TENM3: variants seen among roughly 807,000 people sequenced by gnomAD.
TENM3 encodes the protein teneurin transmembrane protein 3.
TENM3 carries 63 observed loss-of-function variants against 255.1 expected under a neutral mutation model. The ratio of observed to expected loss-of-function variants is 0.25; its 90% CI spans 0.20 to 0.30. The LOEUF is 0.30. Ranked by LOEUF, TENM3 falls within the 10% of genes least tolerant of loss-of-function variation. The pLI, the probability that TENM3 is intolerant of heterozygous loss-of-function variation, is 1.00. For synonymous variants in TENM3, 1,306 were observed against 1,322.3 expected (o/e 0.99, Z 0.27); for missense variants, 2,929 against 3,461.1 (o/e 0.85, Z 3.86).
chr4:182,651,179 T>A (rs1311304610), intron 5 of TENM3, among the ~76,000 whole-genome samples: 1 of 152,130 alleles, frequency 6.6e-6, no homozygotes, highest in East Asian at 1.9e-4. Flanking sequence ...TGCCAGAGTG[T>A]GTCTGTCAAA....
chr4:182,775,186 C>A, intron 24 of TENM3, 33 bp downstream of exon 24: 1 of 1,595,460 alleles, frequency 6.3e-7, no homozygotes, highest in Non-Finnish European at 8.6e-7. Flanking sequence ...GAGATAGCTG[C>A]AGCCCTCTGA....
At chr4:181,528,700 G>A in the TENM3 span, among the ~76,000 whole-genome samples, 3 of 152,292 alleles carry the variant, frequency 2.0e-5, no homozygotes, top group East Asian at 1.9e-4. Context: ...GTATTTCACC[G>A]AGGAGGTGGA....
intron 1 of TENM3, among the ~76,000 whole-genome samples, chr4:182,274,561 CGT>C (rs1759866921): frequency 6.6e-6 from 1 of 152,124 alleles, no homozygotes; most frequent in African/African-American, 2.4e-5. Context: ...GCATGTTCGC[CGT>C]GTTCTACCTC....
chr4:181,724,149 C>A, the TENM3 span, among the ~76,000 whole-genome samples: 1 of 152,176 alleles, frequency 6.6e-6, no homozygotes. Flanking sequence ...GCGTTTGATG[C>A]TTAGAGAACC....
intron 3 of TENM3, among the ~76,000 whole-genome samples, chr4:182,571,204 C>A (rs1252333835): frequency 6.6e-6 from 1 of 152,152 alleles, no homozygotes; most frequent in South Asian, 2.1e-4. Flanking sequence ...GAGGACATGC[C>A]CTGTTCATGT....
chr4:182,697,276 C>T (rs1396898932), intron 12 of TENM3, among the ~76,000 whole-genome samples: 3 of 152,102 alleles, frequency 2.0e-5, no homozygotes, highest in Admixed American at 1.3e-4. Flanking sequence ...AGAGCTAATC[C>T]CCTCTGCCTC....
intron 3 of TENM3, among the ~76,000 whole-genome samples, chr4:182,577,649 C>T (rs76180036): frequency 0.011 from 1,696 of 152,238 alleles, 38 homozygotes; most frequent in African/African-American, 0.037. Context: ...GTTAAATGCA[C>T]GCGCTCTATT....
At chr4:182,177,337 A>G (rs1246406208) in intron 1 of TENM3, among the ~76,000 whole-genome samples, 1 of 152,084 alleles carries the variant, frequency 6.6e-6, no homozygotes, top group Non-Finnish European at 1.5e-5. Context: ...TCTAAAAAAT[A>G]TCTTACACAT....
At chr4:182,635,862 T>C (rs964273767) in intron 5 of TENM3, among the ~76,000 whole-genome samples, 7 of 152,222 alleles carry the variant, frequency 4.6e-5, no homozygotes, top group Admixed American at 2.0e-4. Flanking sequence ...CCTCTCTGTG[T>C]ACCTTGAAAT....
chr4:182,730,894 A>G lies in TENM3; in HGVS notation c.2722A>G (p.Asn908Asp), dbSNP rs1322713164. 6.2e-7 allele frequency: 1 copy of G among 1,613,802 alleles called. No homozygotes were observed. The highest frequency in any genetic ancestry group is 1.7e-5 in the Admixed American group (1 of 60,018). The change falls in exon 16 of 28, where the codon AAT (asparagine) becomes GAT (aspartate). Residue 908 changes from asparagine to aspartate, a missense_variant. By Grantham distance (23) the Asn-to-Asp change is conservative. Around this residue, in one of 6 missense-constraint regions of TENM3, gnomAD observed 1,608 missense variants for 1,884.4 expected, o/e 0.85. Transcript: ENST00000511685. ...CTTTCTTAGGTTTGACTTGGTGGCA[A>G]ATGGTGGGGCCTCTCTAACTTTGGT... ...RQDGMFDLVA[N>D]GGASLTLVFE...
chr4:181,482,825 A>G, the TENM3 span, among the ~76,000 whole-genome samples: 2 of 152,172 alleles, frequency 1.3e-5, no homozygotes, highest in South Asian at 4.1e-4. Context: ...TCCATTGACT[A>G]AAATCTCACA....
the TENM3 span, among the ~76,000 whole-genome samples, chr4:181,904,753 A>G: frequency 6.6e-6 from 1 of 152,134 alleles, no homozygotes; most frequent in South Asian, 2.1e-4. Context: ...TCCAAGCTAT[A>G]TAAAATAGTG....
At chr4:181,687,522 C>T in the TENM3 span, among the ~76,000 whole-genome samples, 2,239 of 152,202 alleles carry the variant, frequency 0.015, 59 homozygotes, top group African/African-American at 0.051. Context: ...CGACTTGTTT[C>T]CATCTGTTTG....
chr4:181,851,604 G>A, the TENM3 span, among the ~76,000 whole-genome samples: 1 of 151,542 alleles, frequency 6.6e-6, no homozygotes, highest in Non-Finnish European at 1.5e-5. Flanking sequence ...GCACGCAAAC[G>A]CACACACGCA....
intron 1 of TENM3, among the ~76,000 whole-genome samples, chr4:182,277,020 C>A (rs985035665): frequency 6.6e-6 from 1 of 152,228 alleles, no homozygotes; most frequent in Admixed American, 6.5e-5. Flanking sequence ...TAAAAGGCCT[C>A]TTTGGCAATG....
chr4:182,641,526 TTTG>T (rs1752311227), intron 5 of TENM3, among the ~76,000 whole-genome samples: 2 of 150,878 alleles, frequency 1.3e-5, no homozygotes, highest in Admixed American at 6.6e-5. Flanking sequence ...GCAGTTTTTT[TTTG>T]TTGTTTTTTT....
At chr4:181,605,584 G>GAAAGA in the TENM3 span, among the ~76,000 whole-genome samples, 64 of 69,160 alleles carry the variant, frequency 9.3e-4, 13 homozygotes, top group Non-Finnish European at 1.3e-3. Flanking sequence ...GAGAAAGAAA[G>GAAAGA]GAAAGAAAGA....
At chr4:182,142,308 G>C (rs1248726600), upstream of TENM3, 1 of 153,766 alleles carries the variant, frequency 6.5e-6, no homozygotes. Flanking sequence ...CCGAGAGCCG[G>C]GTCGGGTTCG....
At chr4:182,178,676 A>T (rs1465168583) in intron 1 of TENM3, among the ~76,000 whole-genome samples, 2 of 152,198 alleles carry the variant, frequency 1.3e-5, no homozygotes, top group Non-Finnish European at 1.5e-5. Flanking sequence ...AACTCCTTAC[A>T]TAATTGTTTC....
Sources: allele counts gnomAD v4.1 joint callset (sites outside exome capture counted in the v4.1 genomes callset), GRCh38; gene constraint gnomAD v4.1.1; regional missense constraint gnomAD v4.1.1; transcripts MANE v1.5; gene names NCBI Gene and HGNC (gene_info 2026-07-23, HGNC 2026-07-21).